Variants in PHF8 observed in about 807,000 individuals in gnomAD.
PHF8 encodes the protein histone lysine demethylase PHF8.
A neutral mutation model predicts 74.4 loss-of-function variants in PHF8; 9 were observed. The ratio of observed to expected loss-of-function variants is 0.12; its 90% confidence interval spans 0.07 to 0.21. The LOEUF is 0.21. PHF8 is among the 10% of genes least tolerant of loss of function. PHF8 has a pLI of 1.00. For synonymous variants in PHF8, 311 were observed against 316.6 expected, an observed-to-expected ratio of 0.98 and a Z score of 0.19; for missense variants, 478 against 816.6, an observed-to-expected ratio of 0.59 and a Z score of 5.05.
At chrX:53,980,126 T>A (rs1557097525) in intron 18 of PHF8, among the ~76,000 whole-genome samples, 1 of 111,400 alleles carries the variant, frequency 9.0e-6, no homozygotes, top group African/African-American at 3.3e-5. Context: ...CCATCACCAC[T>A]ATGACTCAAC....
At chrX:53,960,909 C>T (rs868931202) in intron 19 of PHF8, among the ~76,000 whole-genome samples, 1 of 110,426 alleles carries the variant, frequency 9.1e-6, no homozygotes, top group Non-Finnish European at 1.9e-5. Flanking sequence ...TCATAATTCC[C>T]TTTATTTTCA....
upstream of PHF8, among the ~76,000 whole-genome samples, chrX:54,047,985 C>T (rs989541814): frequency 1.7e-4 from 19 of 110,840 alleles, no homozygotes; most frequent in African/African-American, 5.6e-4. Flanking sequence ...GTCAAGAGAT[C>T]CAGACCATCC....
intron 12 of PHF8, 34 bp from the exon 13 acceptor site, chrX:53,993,937 C>A: frequency 9.4e-7 from 1 of 1,060,953 alleles, no homozygotes; most frequent in South Asian, 1.9e-5. Flanking sequence ...GGGGTTAGAG[C>A]TTACTCAAGG....
Position 53,992,343 on chromosome X carries a change from G to A in PHF8, c.1730+393C>T, listed in dbSNP as rs893677890. Among the ~76,000 whole-genome samples the A allele has an allele frequency of 8.1e-5, 9 of 111,792 alleles. No homozygotes were observed. In the South Asian group the frequency reaches 1.1e-3, roughly 14 times the overall value. On this transcript the variant is annotated intron_variant, in intron 14 of 21. Coordinates refer to ENST00000338154, the MANE Select transcript of PHF8 (RefSeq NM_015107.3). ...GTGCAGTGAACACTGAACATTTATC[G>A]TTACACACTTGTGTGCAAGGATTTC...
chrX:53,970,113 CAAG>C (rs1327464141), intron 18 of PHF8, among the ~76,000 whole-genome samples: 1 of 111,505 alleles, frequency 9.0e-6, no homozygotes, highest in Non-Finnish European at 1.9e-5. Flanking sequence ...GCAACAAATG[CAAG>C]AATACACAAA....
chrX:54,003,885 T>C lies in PHF8; in HGVS notation c.947-1203A>G, dbSNP rs782194643. ...ATGTCTGAAATGCCATTCCTGTCTTTCTTTTCATAGTTAATCCCTACTCAC... is the reference window on the plus strand; with the variant it reads ...ATGTCTGAAATGCCATTCCTGTCTTCCTTTTCATAGTTAATCCCTACTCAC... On this transcript the variant is annotated intron_variant, in intron 8 of 21. Transcript: ENST00000338154. 3.7e-4 allele frequency among the ~76,000 whole-genome samples: 41 copies of C among 111,795 alleles called. No homozygotes were observed. In the South Asian group the frequency reaches 0.015, roughly 40 times the overall value.
At chrX:53,943,510 C>G (rs1420245455) in intron 20 of PHF8, 4 of 787,647 alleles carry the variant, frequency 5.1e-6, no homozygotes, top group Non-Finnish European at 3.4e-6. Flanking sequence ...TAACAGTGCT[C>G]TAAGCTATAG....
chrX:53,979,277 G>C (rs2065440149), intron 18 of PHF8, among the ~76,000 whole-genome samples: 1 of 111,257 alleles, frequency 9.0e-6, no homozygotes, highest in Non-Finnish European at 1.9e-5. Flanking sequence ...AGCTACTTAG[G>C]AGGCTGAGGC....
intron 2 of PHF8, among the ~76,000 whole-genome samples, chrX:54,031,813 CAA>C (rs781894200): frequency 2.7e-5 from 3 of 111,482 alleles, no homozygotes; most frequent in African/African-American, 6.5e-5. Context: ...CTAACTAGAC[CAA>C]AGTTTCTCAG....
chrX:54,009,637 G>A (rs2065947876), intron 8 of PHF8, among the ~76,000 whole-genome samples: 1 of 107,896 alleles, frequency 9.3e-6, no homozygotes, highest in South Asian at 4.1e-4. Context: ...GAGGTCAGGA[G>A]ATCAAGACCA....
At chrX:53,943,458 C>T (rs1436753681) in intron 20 of PHF8, 1 of 1,036,159 alleles carries the variant, frequency 9.7e-7, no homozygotes, top group Admixed American at 3.4e-5. Flanking sequence ...AGATAGATTA[C>T]ATTACACATT....
chrX:54,039,003 G>A (rs782785187), intron 2 of PHF8, among the ~76,000 whole-genome samples: 70 of 109,120 alleles, frequency 6.4e-4, no homozygotes, highest in Middle Eastern at 4.6e-3. Context: ...GTGTGGTGGC[G>A]CGCACCTGTA....
intron 18 of PHF8, among the ~76,000 whole-genome samples, chrX:53,967,153 C>T: frequency 9.0e-6 from 1 of 110,564 alleles, no homozygotes; most frequent in East Asian, 2.9e-4. Context: ...GGGGTCAGCC[C>T]CCCGCCCGGC....
chrX:53,958,775 C>CA (rs1203323417), intron 19 of PHF8, among the ~76,000 whole-genome samples: 3,622 of 13,032 alleles, frequency 0.28, 641 homozygotes, highest in African/African-American at 0.43. Flanking sequence ...GACTCCCTCT[C>CA]AAAAAAAAAA....
chrX:53,997,810 C>G (rs1262660551), intron 11 of PHF8, among the ~76,000 whole-genome samples: 1 of 111,696 alleles, frequency 9.0e-6, no homozygotes, highest in Non-Finnish European at 1.9e-5. Flanking sequence ...AAGGTAGCCA[C>G]ACCTGAGAGG....
intron 6 of PHF8, 107 bp downstream of exon 6, chrX:54,016,488 T>G: frequency 1.4e-6 from 1 of 699,233 alleles, no homozygotes; most frequent in Non-Finnish European, 2.2e-6. Context: ...AGCAAGACTC[T>G]GTCTCAAAAA....
intron 8 of PHF8, among the ~76,000 whole-genome samples, chrX:54,009,798 G>C (rs1387577497): frequency 1.1e-4 from 9 of 79,874 alleles, no homozygotes; most frequent in African/African-American, 4.3e-4. Flanking sequence ...AGCCGGGATC[G>C]CACCACTACA....
intron 8 of PHF8, among the ~76,000 whole-genome samples, chrX:54,002,983 T>A (rs1054146045): frequency 6.2e-5 from 7 of 112,076 alleles, no homozygotes; most frequent in Non-Finnish European, 1.1e-4. Flanking sequence ...TGATGTGACA[T>A]CCAACAGAAT....
chrX:53,988,611 CA>C (rs1175951164), intron 14 of PHF8, among the ~76,000 whole-genome samples: 4 of 104,916 alleles, frequency 3.8e-5, no homozygotes, highest in African/African-American at 6.9e-5. Flanking sequence ...GATTTGTATC[CA>C]AAAAAAAATT....
Sources: gnomAD v4.1 joint callset for allele counts (sites outside exome capture counted in the v4.1 genomes callset) on GRCh38, gnomAD v4.1.1 for gene constraint, MANE v1.5 for transcripts, NCBI Gene and HGNC (gene_info 2026-07-23, HGNC 2026-07-21) for gene names.